ADARB2: variants seen among roughly 807,000 people sequenced by gnomAD.
The protein encoded by ADARB2 is inactive double-stranded RNA-specific editase B2.
ADARB2 carries 25 observed loss-of-function variants against 62.2 expected under a neutral mutation model. The observed-to-expected ratio is 0.40, with a 90% CI of 0.29 to 0.56. ADARB2 has a LOEUF of 0.56. ADARB2 is among the 20% of genes least tolerant of loss of function. The pLI is 0.43. For synonymous variants in ADARB2, 572 were observed against 500.8 expected, an observed-to-expected ratio of 1.14 and a Z score of -1.90; for missense variants, 1,071 against 1,077.4, an observed-to-expected ratio of 0.99 and a Z score of 0.08.
At chr10:1,508,419 G>A (rs368094416) in intron 1 of ADARB2, among the ~76,000 whole-genome samples, 36 of 152,306 alleles carry the variant, frequency 2.4e-4, no homozygotes, top group Non-Finnish European at 4.3e-4. Context: ...TGGCAGAGTC[G>A]TTGGGAGACT....
intron 1 of ADARB2, among the ~76,000 whole-genome samples, chr10:1,525,801 G>A (rs527855460): frequency 3.9e-4 from 59 of 152,170 alleles, no homozygotes; most frequent in African/African-American, 1.2e-3. Flanking sequence ...GTGTATGTGC[G>A]TATGTGAGCA....
At chr10:1,580,664 A>G (rs1833085621) in intron 1 of ADARB2, among the ~76,000 whole-genome samples, 1 of 152,136 alleles carries the variant, frequency 6.6e-6, no homozygotes, top group Non-Finnish European at 1.5e-5. Flanking sequence ...TGAACCTTCT[A>G]TGGGCTTGGA....
chr10:1,539,825 G>A (rs1351496281), intron 1 of ADARB2, among the ~76,000 whole-genome samples: 8 of 152,174 alleles, frequency 5.3e-5, no homozygotes, highest in Non-Finnish European at 7.3e-5. Context: ...AACAGCCCCC[G>A]TTAAATATGA....
intron 1 of ADARB2, among the ~76,000 whole-genome samples, chr10:1,659,250 T>A (rs1834212300): frequency 6.6e-6 from 1 of 152,162 alleles, no homozygotes; most frequent in Non-Finnish European, 1.5e-5. Flanking sequence ...TAAATCTGCA[T>A]TACAATGAAA....
rs562535046 is a variant in ADARB2, at chr10:1,456,597, G to A, written c.101-77437C>T. Among the ~76,000 whole-genome samples the A allele has an allele frequency of 1.8e-3, 269 of 152,262 alleles. 4 individuals carry two copies. The highest frequency in any genetic ancestry group is 5.5e-3 in the African/African-American group (229 of 41,558). On this transcript the variant is annotated intron_variant, in intron 1 of 9. Coordinates refer to ENST00000381312, the MANE Select transcript of ADARB2 (RefSeq NM_018702.4). ...CTCTGCCTCAGCAACGATCCTGCAA[G>A]GGACCATTTTGGGGACTTGAAGGTT...
chr10:1,360,689 T>G (rs4880498), intron 3 of ADARB2, among the ~76,000 whole-genome samples: 95,914 of 152,122 alleles, frequency 0.63, 30,936 homozygotes, highest in East Asian at 1. Context: ...ATGGGCCCCT[T>G]GGACGCCGCG....
intron 1 of ADARB2, among the ~76,000 whole-genome samples, chr10:1,485,483 G>C (rs1485217047): frequency 1.3e-5 from 2 of 152,092 alleles, no homozygotes; most frequent in Non-Finnish European, 2.9e-5. Context: ...GCACCACGCA[G>C]CTCCGCACGC....
At chr10:1,680,201 TCATA>T (rs1446428285) in intron 1 of ADARB2, among the ~76,000 whole-genome samples, 1 of 137,642 alleles carries the variant, frequency 7.3e-6, no homozygotes, top group Non-Finnish European at 1.6e-5. Flanking sequence ...AATCCGCCAC[TCATA>T]CAAACTGCCC....
intron 1 of ADARB2, among the ~76,000 whole-genome samples, chr10:1,468,092 T>C (rs1255691407): frequency 6.6e-6 from 1 of 152,268 alleles, no homozygotes; most frequent in Non-Finnish European, 1.5e-5. Context: ...CTATATGACA[T>C]TGTCAGGATC....
chr10:1,334,573 C>T (rs1245092910), intron 3 of ADARB2, among the ~76,000 whole-genome samples: 1 of 152,194 alleles, frequency 6.6e-6, no homozygotes, highest in Non-Finnish European at 1.5e-5. Context: ...TCTGGCTACT[C>T]ACATGTAGGT....
chr10:1,610,939 AC>A (rs780124212), intron 1 of ADARB2, among the ~76,000 whole-genome samples: 60 of 152,228 alleles, frequency 3.9e-4, no homozygotes, highest in Middle Eastern at 3.4e-3. Flanking sequence ...GGGGGCTTTA[AC>A]TCATGAATTT....
chr10:1,553,085 G>C (rs987039175), intron 1 of ADARB2, among the ~76,000 whole-genome samples: 2 of 150,476 alleles, frequency 1.3e-5, no homozygotes, highest in Non-Finnish European at 3.0e-5. Context: ...CCATTGCTGG[G>C]AGCACCGCGT....
At position 1,732,160 on chromosome 10, in the gene ADARB2, T is replaced by C. The variant is rs143377316; in HGVS notation, c.100+4891A>G. Among the ~76,000 whole-genome samples, 57 of 152,166 alleles carry C rather than the reference T, an allele frequency of 3.7e-4. No homozygotes were observed. The East Asian group carries it at 6.6e-3, about 17-fold the overall frequency. On this transcript the variant is annotated intron_variant, in intron 1 of 9. Transcript: ENST00000381312. ...ATAAAAATTGCTCAAATGTTTCAGC[T>C]GCTTTTACCGTGTATATACATATAC...
chr10:1,411,380 C>T (rs1381757093), intron 1 of ADARB2, among the ~76,000 whole-genome samples: 1 of 152,218 alleles, frequency 6.6e-6, no homozygotes, highest in Admixed American at 6.5e-5. Context: ...AGGGCGGGAC[C>T]AGCCCACAGC....
chr10:1,678,534 T>C (rs1008378886), intron 1 of ADARB2, among the ~76,000 whole-genome samples: 1 of 152,028 alleles, frequency 6.6e-6, no homozygotes, highest in South Asian at 2.1e-4. Context: ...GCTGGCTCTC[T>C]CCTTTTCAAG....
At chr10:1,677,632 A>G (rs992212387) in intron 1 of ADARB2, among the ~76,000 whole-genome samples, 2 of 152,174 alleles carry the variant, frequency 1.3e-5, no homozygotes, top group African/African-American at 4.8e-5. Flanking sequence ...GGAGCTCAAG[A>G]AGGCGGCTGT....
At chr10:1,220,536 G>A (rs773141170) in intron 6 of ADARB2, among the ~76,000 whole-genome samples, 6 of 152,188 alleles carry the variant, frequency 3.9e-5, no homozygotes, top group Non-Finnish European at 7.4e-5. Context: ...ACTTTCTGCG[G>A]AAGGCAACAT....
At chr10:1,416,663 C>T (rs1832804761) in intron 1 of ADARB2, among the ~76,000 whole-genome samples, 1 of 152,250 alleles carries the variant, frequency 6.6e-6, no homozygotes, top group Non-Finnish European at 1.5e-5. Context: ...CAGGTCCGTA[C>T]CATGCACCTG....
chr10:1,581,989 G>A (rs927980242), intron 1 of ADARB2, among the ~76,000 whole-genome samples: 1 of 152,126 alleles, frequency 6.6e-6, no homozygotes, highest in African/African-American at 2.4e-5. Flanking sequence ...ACTCACTGCG[G>A]TCCACTGAGC....
Sources: allele counts gnomAD v4.1 joint callset (sites outside exome capture counted in the v4.1 genomes callset), GRCh38; gene constraint gnomAD v4.1.1; transcripts MANE v1.5; gene names NCBI Gene and HGNC (gene_info 2026-07-23, HGNC 2026-07-21).